Variants in CTNNA3 observed in about 807,000 individuals in gnomAD.
CTNNA3 encodes the protein catenin alpha-3.
In CTNNA3, 76 loss-of-function variants were observed where a neutral mutation model predicts 95.7. The ratio of observed to expected loss-of-function variants is 0.79; its 90% CI spans 0.66 to 0.96. The LOEUF (loss-of-function observed/expected upper bound fraction) is 0.96, where lower values mean the gene tolerates loss of function less well. Among genes scored for constraint, CTNNA3 ranks in the 40% least tolerant of loss-of-function variants. The probability of loss-of-function intolerance (pLI) is 0.00; values close to 1 mark genes in which losing one functional copy is unlikely to be tolerated. For synonymous variants in CTNNA3, 431 were observed against 374.4 expected, an observed-to-expected ratio of 1.15 and a Z score of -1.74; for missense variants, 1,191 against 1,089.8, an observed-to-expected ratio of 1.09 and a Z score of -1.31.
At chr10:65,961,223 T>C (rs1319140080) in intron 17 of CTNNA3, among the ~76,000 whole-genome samples, 1 of 152,188 alleles carries the variant, frequency 6.6e-6, no homozygotes, top group Non-Finnish European at 1.5e-5. Flanking sequence ...TCTTTCTCTC[T>C]CTTTTATTCC....
chr10:66,530,257 A>C (rs896416117), intron 10 of CTNNA3, among the ~76,000 whole-genome samples: 1 of 152,150 alleles, frequency 6.6e-6, no homozygotes, highest in Non-Finnish European at 1.5e-5. Context: ...AAATAACTAG[A>C]TATATGATGC....
chr10:67,450,418 G>A (rs1769747100), intron 5 of CTNNA3, among the ~76,000 whole-genome samples: 2 of 152,084 alleles, frequency 1.3e-5, no homozygotes, highest in Non-Finnish European at 1.5e-5. Flanking sequence ...AAGAAAATAT[G>A]GTACATATAC....
At chr10:66,314,768 G>T (rs2132270398) in intron 12 of CTNNA3, among the ~76,000 whole-genome samples, 1 of 152,048 alleles carries the variant, frequency 6.6e-6, no homozygotes, top group Admixed American at 6.5e-5. Flanking sequence ...TTACAAGATT[G>T]AACACAATAC....
At chr10:67,042,853 A>T (rs539865120) in intron 7 of CTNNA3, among the ~76,000 whole-genome samples, 1 of 152,224 alleles carries the variant, frequency 6.6e-6, no homozygotes, top group African/African-American at 2.4e-5. Flanking sequence ...AAATGTGAGG[A>T]ATAGGAGGTA....
In CTNNA3 at chr10:66,115,090, T is replaced by C. The variant is rs185710261; in HGVS notation, c.1885-11841A>G. Among the ~76,000 whole-genome samples, 5 of 152,268 alleles carry C rather than the reference T, an allele frequency of 3.3e-5. No individual in the cohort carries two copies. The East Asian group carries it at 7.7e-4, about 24-fold the overall frequency. Reference sequence around the variant, plus strand: ...AATCTGCTTAAGGTTGAACGTACCATTTCAAGGACGTGTCAGCAATACAAA... The same window carrying C: ...AATCTGCTTAAGGTTGAACGTACCACTTCAAGGACGTGTCAGCAATACAAA... On this transcript the variant is annotated intron_variant, in intron 13 of 17. Coordinates refer to ENST00000433211, the MANE Select transcript of CTNNA3 (RefSeq NM_013266.4).
At chr10:66,117,733 G>A (rs1004023277) in intron 13 of CTNNA3, among the ~76,000 whole-genome samples, 1 of 152,154 alleles carries the variant, frequency 6.6e-6, no homozygotes, top group Non-Finnish European at 1.5e-5. Flanking sequence ...AAATATCAAA[G>A]CAAGTTTCAT....
chr10:67,515,393 T>G (rs1839779577), intron 5 of CTNNA3, among the ~76,000 whole-genome samples: 1 of 152,198 alleles, frequency 6.6e-6, no homozygotes, highest in Admixed American at 6.5e-5. Context: ...AAAGAATAAA[T>G]GTAACATCAC....
intron 7 of CTNNA3, among the ~76,000 whole-genome samples, chr10:66,990,675 A>T (rs1332684916): frequency 6.6e-6 from 1 of 152,208 alleles, no homozygotes; most frequent in Non-Finnish European, 1.5e-5. Context: ...TCTCTACACC[A>T]TGTGGATAAT....
At chr10:67,425,695 G>A (rs1041634280) in intron 5 of CTNNA3, among the ~76,000 whole-genome samples, 1 of 152,016 alleles carries the variant, frequency 6.6e-6, no homozygotes, top group East Asian at 1.9e-4. Context: ...AAATCTCGAA[G>A]CTGATATCAC....
At chr10:67,486,433 G>A (rs1848452255) in intron 5 of CTNNA3, among the ~76,000 whole-genome samples, 1 of 151,930 alleles carries the variant, frequency 6.6e-6, no homozygotes, top group Admixed American at 6.6e-5. Context: ...TTGCTTCACT[G>A]TGTCTTCCTA....
chr10:66,228,462 G>T (rs866960025), intron 13 of CTNNA3, among the ~76,000 whole-genome samples: 6 of 152,054 alleles, frequency 3.9e-5, no homozygotes, highest in African/African-American at 1.4e-4. Flanking sequence ...GAATGCATTT[G>T]TACAGTTTCT....
At chr10:66,649,053 A>G (rs1845805270) in intron 9 of CTNNA3, among the ~76,000 whole-genome samples, 1 of 152,020 alleles carries the variant, frequency 6.6e-6, no homozygotes, top group Non-Finnish European at 1.5e-5. Context: ...TTCATAGGAA[A>G]TGGCCAGAGA....
chr10:66,551,896 C>CCTTTTT (rs1389009453), intron 10 of CTNNA3, among the ~76,000 whole-genome samples: 1 of 113,964 alleles, frequency 8.8e-6, no homozygotes, highest in Admixed American at 1.0e-4. Flanking sequence ...TTTTCTTTTC[C>CCTTTTT]TTTTTTTTTT....
intron 5 of CTNNA3, among the ~76,000 whole-genome samples, chr10:67,250,779 C>G (rs1427900313): frequency 6.6e-6 from 1 of 152,178 alleles, no homozygotes; most frequent in Non-Finnish European, 1.5e-5. Flanking sequence ...TGAGTTATCA[C>G]TTCACGCCCA....
At chr10:66,369,112 C>A (rs946082932) in intron 12 of CTNNA3, among the ~76,000 whole-genome samples, 1 of 152,078 alleles carries the variant, frequency 6.6e-6, no homozygotes, top group Non-Finnish European at 1.5e-5. Flanking sequence ...CACTGGGTTA[C>A]TAATACATTT....
chr10:67,716,987 T>C (rs1255331375), intron 1 of CTNNA3, among the ~76,000 whole-genome samples: 2 of 152,186 alleles, frequency 1.3e-5, no homozygotes, highest in African/African-American at 4.8e-5. Flanking sequence ...GCATCTGTTG[T>C]TTCCTGATTT....
intron 13 of CTNNA3, among the ~76,000 whole-genome samples, chr10:66,162,222 T>C: frequency 6.6e-6 from 1 of 152,118 alleles, no homozygotes; most frequent in South Asian, 2.1e-4. Flanking sequence ...GATTTCTTCT[T>C]GGTTTGGATC....
intron 10 of CTNNA3, among the ~76,000 whole-genome samples, chr10:66,597,133 C>G (rs1487791176): frequency 2.0e-5 from 3 of 151,572 alleles, no homozygotes; most frequent in Non-Finnish European, 4.4e-5. Context: ...TCTCCAGTCA[C>G]AGAAATAAAG....
At chr10:67,163,118 T>G (rs185722738) in intron 7 of CTNNA3, among the ~76,000 whole-genome samples, 1 of 151,956 alleles carries the variant, frequency 6.6e-6, no homozygotes, top group Admixed American at 6.6e-5. Flanking sequence ...GAGGGAGTAC[T>G]TTCCAATCAA....
Sources: allele counts gnomAD v4.1 joint callset (sites outside exome capture counted in the v4.1 genomes callset), GRCh38; gene constraint gnomAD v4.1.1; transcripts MANE v1.5; gene names NCBI Gene and HGNC (gene_info 2026-07-23, HGNC 2026-07-21).